GRIP1: variants seen among roughly 807,000 people sequenced by gnomAD.
GRIP1 encodes the protein glutamate receptor interacting protein 1.
In GRIP1, 45 loss-of-function variants were observed where a neutral mutation model predicts 129.9. The observed-to-expected ratio is 0.35, with a 90% confidence interval of 0.27 to 0.44. The LOEUF (loss-of-function observed/expected upper bound fraction) is 0.44. Among genes scored for constraint, GRIP1 ranks in the 20% least tolerant of loss-of-function variants. The pLI is 1.00. For synonymous variants in GRIP1, 530 were observed against 520.8 expected (o/e 1.02, Z -0.24); for missense variants, 1,196 against 1,396.8 (o/e 0.86, Z 2.29).
At chr12:66,892,392 T>A (rs1030701691) in intron 1 of GRIP1, among the ~76,000 whole-genome samples, 41 of 152,286 alleles carry the variant, frequency 2.7e-4, no homozygotes, top group Middle Eastern at 3.4e-3. Context: ...AAATGTTTTA[T>A]TTAGAAATAA....
At position 66,499,766 on chromosome 12, in the gene GRIP1, G is replaced by T. The variant is rs569724189; in HGVS notation, c.724+15853C>A. Among the ~76,000 whole-genome samples the T allele has an allele frequency of 1.8e-3, 280 of 152,314 alleles. 2 individuals carry two copies. The highest frequency in any genetic ancestry group is 6.3e-3 in the African/African-American group (262 of 41,568). On this transcript the variant is annotated intron_variant, in intron 7 of 24. Transcript: ENST00000359742. ...GCCTGTAATACCAGCACTTTTGGGA[G>T]GTCAAGGCGAGAAGATCACTTGAGC...
At chr12:66,507,244 C>T (rs1207838884) in intron 7 of GRIP1, among the ~76,000 whole-genome samples, 1 of 152,100 alleles carries the variant, frequency 6.6e-6, no homozygotes, top group Non-Finnish European at 1.5e-5. Context: ...GGAGACCATC[C>T]TGGCTAACAT....
At chr12:66,681,202 C>T (rs2034571370), upstream of GRIP1, among the ~76,000 whole-genome samples, 1 of 152,110 alleles carries the variant, frequency 6.6e-6, no homozygotes, top group Non-Finnish European at 1.5e-5. Flanking sequence ...GAAATGGAGC[C>T]TCCTGGAGTA....
At chr12:66,469,771 A>C (rs1333174483) in intron 7 of GRIP1, among the ~76,000 whole-genome samples, 2 of 152,158 alleles carry the variant, frequency 1.3e-5, no homozygotes, top group African/African-American at 4.8e-5. Flanking sequence ...CACTTACCTC[A>C]GTCACTCTTA....
chr12:66,974,924 G>GT, intron 1 of GRIP1, among the ~76,000 whole-genome samples: 1 of 152,284 alleles, frequency 6.6e-6, no homozygotes, highest in South Asian at 2.1e-4. Context: ...AACTGGATCT[G>GT]TTATGACTGC....
chr12:66,410,257 A>T (rs963989892), intron 15 of GRIP1, among the ~76,000 whole-genome samples: 2 of 148,544 alleles, frequency 1.3e-5, no homozygotes, highest in African/African-American at 4.9e-5. Flanking sequence ...CTCAAAAAAA[A>T]AAAAAAAAAA....
chr12:66,702,663 G>A (rs1237406499), intron 1 of GRIP1, among the ~76,000 whole-genome samples: 1 of 152,034 alleles, frequency 6.6e-6, no homozygotes, highest in South Asian at 2.1e-4. Context: ...AAGCAAAAAA[G>A]AGACACAATG....
chr12:67,020,412 C>G (rs1372548081), intron 1 of GRIP1, among the ~76,000 whole-genome samples: 1 of 152,194 alleles, frequency 6.6e-6, no homozygotes, highest in Non-Finnish European at 1.5e-5. Context: ...CTTAAGCACT[C>G]ATTCATTCAT....
intron 1 of GRIP1, among the ~76,000 whole-genome samples, chr12:66,860,086 TTAATA>T (rs2137113902): frequency 6.6e-6 from 1 of 152,208 alleles, no homozygotes; most frequent in South Asian, 2.1e-4. Flanking sequence ...AATTTACAAT[TTAATA>T]TAAGATCCTC....
intron 2 of GRIP1, among the ~76,000 whole-genome samples, chr12:66,572,128 T>G (rs2062982607): frequency 6.6e-6 from 1 of 152,184 alleles, no homozygotes; most frequent in African/African-American, 2.4e-5. Context: ...AAGTTTATAT[T>G]TACCAGGCCT....
intron 7 of GRIP1, among the ~76,000 whole-genome samples, chr12:66,478,579 G>T (rs542763048): frequency 6.6e-6 from 1 of 152,196 alleles, no homozygotes; most frequent in Middle Eastern, 3.4e-3. Flanking sequence ...ACATGCACAC[G>T]TATGTTTATT....
At chr12:66,680,338 T>C (rs2034535977), upstream of GRIP1, among the ~76,000 whole-genome samples, 1 of 152,188 alleles carries the variant, frequency 6.6e-6, no homozygotes, top group Non-Finnish European at 1.5e-5. Flanking sequence ...TCCACTGCTA[T>C]TGAAATGCAT....
At chr12:66,585,236 A>C (rs928681699) in intron 2 of GRIP1, among the ~76,000 whole-genome samples, 2 of 131,508 alleles carry the variant, frequency 1.5e-5, no homozygotes, top group African/African-American at 5.7e-5. Context: ...ATATCTCCCA[A>C]TGCTATCCCT....
intron 1 of GRIP1, among the ~76,000 whole-genome samples, chr12:67,015,640 A>G (rs765468811): frequency 6.6e-6 from 1 of 152,164 alleles, no homozygotes; most frequent in East Asian, 1.9e-4. Flanking sequence ...AGCATCAAAT[A>G]CCCAAAGCGA....
chr12:66,945,041 C>A (rs184741386), intron 1 of GRIP1, among the ~76,000 whole-genome samples: 1 of 152,310 alleles, frequency 6.6e-6, no homozygotes, highest in Admixed American at 6.5e-5. Flanking sequence ...GACCCACCCA[C>A]CTTGGCCTCC....
At chr12:66,598,276 G>A (rs560683543) in intron 1 of GRIP1, among the ~76,000 whole-genome samples, 57 of 152,180 alleles carry the variant, frequency 3.7e-4, no homozygotes, top group Non-Finnish European at 7.5e-4. Flanking sequence ...GTCTTTATAC[G>A]CAATGACAAA....
At chr12:66,476,454 C>T (rs1469333652) in intron 7 of GRIP1, among the ~76,000 whole-genome samples, 1 of 152,178 alleles carries the variant, frequency 6.6e-6, no homozygotes, top group Non-Finnish European at 1.5e-5. Flanking sequence ...GGAGCTGGTA[C>T]CATTCCTTCT....
chr12:66,907,763 A>G (rs1239644175), intron 1 of GRIP1, among the ~76,000 whole-genome samples: 2 of 152,254 alleles, frequency 1.3e-5, no homozygotes, highest in Non-Finnish European at 2.9e-5. Context: ...AATAACAACA[A>G]AGAAAGGGGA....
chr12:66,637,764 A>G (rs1195313636), intron 1 of GRIP1, among the ~76,000 whole-genome samples: 1 of 152,144 alleles, frequency 6.6e-6, no homozygotes, highest in Non-Finnish European at 1.5e-5. Flanking sequence ...ATTTTCCAGC[A>G]TATCTGTCTA....
Sources: allele counts gnomAD v4.1 joint callset (sites outside exome capture counted in the v4.1 genomes callset), GRCh38; gene constraint gnomAD v4.1.1; transcripts MANE v1.5; gene names NCBI Gene and HGNC (gene_info 2026-07-23, HGNC 2026-07-21).